Variants in DNAJC5G observed in about 807,000 individuals in gnomAD.
DNAJC5G encodes the protein DnaJ heat shock protein family (Hsp40) member C5 gamma.
DNAJC5G carries 13 observed loss-of-function variants against 19.1 expected under a neutral mutation model. The ratio of observed to expected loss-of-function variants is 0.68; its 90% CI spans 0.44 to 1.08. The LOEUF is 1.08. DNAJC5G is among the 50% of genes least tolerant of loss of function. The pLI, the probability that DNAJC5G is intolerant of heterozygous loss-of-function variation, is 0.00. For synonymous variants in DNAJC5G, 81 were observed against 84.4 expected, an observed-to-expected ratio of 0.96 and a Z score of 0.22; for missense variants, 245 against 230.4, an observed-to-expected ratio of 1.06 and a Z score of -0.41.
rs771457236 is a variant in DNAJC5G, at chr2:27,277,771, C to T, written c.131C>T (p.Pro44Leu). Residue 44 changes from proline to leucine, a missense_variant, in exon 4 of 7, where the codon CCC (proline) becomes CTC (leucine). Coordinates refer to ENST00000296097, the MANE Select transcript of DNAJC5G (RefSeq NM_173650.3). ...TTCCCCAGCCATTCCGCATTGCTTC[C>T]CCACCCTCCTTTTGAGTATCACCTG... ...KKSYSHSALL[P>L]HPPFEYHLGR... 2 of 1,613,884 alleles carry T rather than the reference C, an allele frequency of 1.2e-6. No homozygotes were observed. Among genetic ancestry groups the T allele is most frequent in the African/African-American group, 2.7e-5 (2 of 74,912 alleles).
Position 27,280,484 on chromosome 2 carries a change from G to A in DNAJC5G, c.*74G>A, listed in dbSNP as rs1678323022. 2.5e-6 allele frequency: 1 copy of A among 402,650 alleles called. No homozygotes were observed. Among genetic ancestry groups the A allele is most frequent in the African/African-American group, 2.0e-5 (1 of 49,928 alleles). The allele number at this position is 402,650 out of a possible 1,614,324, so 24.9% of individuals were successfully genotyped here. On this transcript the variant is annotated 3_prime_UTR_variant, in exon 7 of 7. Transcript: ENST00000296097. ...CCCAGTCCCCTGGACACATTGAAGA[G>A]AGGAGCAAGTAGCCCTGTCCTGACA... is the stretch of plus-strand genomic sequence containing the variant.
chr2:27,278,669 G>A (rs1678227123), intron 5 of DNAJC5G, among the ~76,000 whole-genome samples: 1 of 110,518 alleles, frequency 9.0e-6, no homozygotes, highest in Non-Finnish European at 1.7e-5. Flanking sequence ...GGGAGACAGA[G>A]CAAGACTCCA....
In DNAJC5G at chr2:27,278,001, A is replaced by G; in HGVS notation, c.361A>G (p.Ser121Gly). Residue 121 changes from serine (S) to glycine (G), a missense_variant, in exon 4 of 7, where the codon AGT (serine) becomes GGT (glycine). Transcript: ENST00000296097. ...EGVRYYFILN[S>G]CWFKTLVILC... ...CGTCAGATACTATTTTATTCTGAAT[A>G]GTTGTTGGTTCAAGGTACACAATTC... 8.7e-6 allele frequency: 14 copies of G among 1,614,136 alleles called. No individual in the cohort carries two copies. The highest frequency in any genetic ancestry group is 1.2e-5 in the Non-Finnish European group (14 of 1,179,988).
intron 6 of DNAJC5G, 72 bp from the exon 7 acceptor site, chr2:27,280,357 G>A (rs973524190): frequency 2.5e-6 from 2 of 815,856 alleles, no homozygotes; most frequent in African/African-American, 3.4e-5. Flanking sequence ...ATCCTTACAT[G>A]TAGGGGTTTG....
chr2:27,276,395 G>A lies in DNAJC5G; in HGVS notation c.-4+8G>A, dbSNP rs1678074954. 4.9e-6 allele frequency: 1 copy of A among 203,728 alleles called. No individual in the cohort carries two copies. Among genetic ancestry groups the A allele is most frequent in the African/African-American group, 2.3e-5 (1 of 42,706 alleles). The allele number at this position is 203,728 out of a possible 1,614,324, so 12.6% of individuals were successfully genotyped here. On this transcript the variant is annotated splice_region_variant and intron_variant, in intron 2 of 6. Transcript: ENST00000296097. Reference sequence around the variant, plus strand: ...CAGAGGTGTTTACTCCAGGTAATAGGAGCTCTAGACAAAATCAGGCTCTTT... The same window carrying A: ...CAGAGGTGTTTACTCCAGGTAATAGAAGCTCTAGACAAAATCAGGCTCTTT...
chr2:27,278,306 A>C lies in DNAJC5G; in HGVS notation c.494A>C (p.Asn165Thr), dbSNP rs748962857. 6.2e-7 allele frequency: 1 copy of C among 1,614,194 alleles called. No homozygotes were observed. Among genetic ancestry groups the C allele is most frequent in the Admixed American group, 1.7e-5 (1 of 60,016 alleles). Residue 165 changes from asparagine (N) to threonine (T), a missense_variant, in exon 5 of 7, where the codon AAT (asparagine) becomes ACT (threonine). Coordinates refer to ENST00000296097, the MANE Select transcript of DNAJC5G (RefSeq NM_173650.3). ...GATAGTGGGAGAAAATATCAGCAGA[A>C]TGTCCAGAGTCAGCCTCCAAGGTCA... is the stretch of plus-strand genomic sequence containing the variant. ...EQDSGRKYQQ[N>T]VQSQPPRSGA...
Position 27,280,900 on chromosome 2 carries a change from G to A in DNAJC5G, c.*490G>A, listed in dbSNP as rs1225601212. On this transcript the variant is annotated 3_prime_UTR_variant, in exon 7 of 7. Transcript: ENST00000296097. ...ATTAATTCTCCCTTGTTGCAACTCT[G>A]TGTACCAAGAACCCCTAGCATCAGC... is the stretch of plus-strand genomic sequence containing the variant. The A allele has an allele frequency of 2.6e-5, 4 of 152,288 alleles. No homozygotes were observed. Among genetic ancestry groups the A allele is most frequent in the Non-Finnish European group, 5.9e-5 (4 of 68,098 alleles). The allele number at this position is 152,288 out of a possible 1,614,324, so 9.4% of individuals were successfully genotyped here.
intron 5 of DNAJC5G, among the ~76,000 whole-genome samples, chr2:27,279,848 G>A (rs949189033): frequency 3.9e-5 from 6 of 151,946 alleles, no homozygotes; most frequent in Non-Finnish European, 8.8e-5. Flanking sequence ...ATTTGAGTCT[G>A]GGAGGTTGAG....
chr2:27,278,683 CAAAAAAAAAAAAAA>C (rs1180058010), intron 5 of DNAJC5G, among the ~76,000 whole-genome samples: 1 of 26,738 alleles, frequency 3.7e-5, no homozygotes, highest in African/African-American at 1.4e-4. Context: ...GACTCCATCT[CAAAAAAAAAAAAAA>C]AAAAAAAAAA....
intron 3 of DNAJC5G, among the ~76,000 whole-genome samples, chr2:27,277,487 C>T (rs193181823): frequency 1.3e-5 from 2 of 152,154 alleles, no homozygotes; most frequent in East Asian, 3.9e-4. Context: ...TGGTCTCAAA[C>T]TCCTGACCTC....
At position 27,277,934 on chromosome 2, in the gene DNAJC5G, CT is replaced by C; in HGVS notation, c.295del (p.Ser99HisfsTer21). 6.2e-7 allele frequency: 1 copy of C among 1,614,194 alleles called. No individual in the cohort carries two copies. The highest frequency in any genetic ancestry group is 8.5e-7 in the Non-Finnish European group (1 of 1,180,040). On this transcript the variant is annotated frameshift_variant, in exon 4 of 7. Transcript: ENST00000296097. LOFTEE classifies it high-confidence loss of function. The part of the protein sequence containing the change: ...KKRKIYDQHG[S>X]LGIYLYDHFG... ...AGCGGAAAATTTACGACCAGCATGG[CT>C]CATTGGGAATATATCTGTATGATCA...
Position 27,277,919 on chromosome 2 carries a change from T to G in DNAJC5G, c.279T>G (p.Ile93Met), listed in dbSNP as rs1678184728. Residue 93 changes from isoleucine to methionine, a missense_variant, in exon 4 of 7, where the codon ATT becomes ATG. Transcript: ENST00000296097. Reference protein sequence around the residue: ...AILSDSKKRKIYDQHGSLGIY... With the variant: ...AILSDSKKRKMYDQHGSLGIY... ...TGAGCGACTCTAAGAAGCGGAAAAT[T>G]TACGACCAGCATGGCTCATTGGGAA... 5 of 1,614,160 alleles carry G rather than the reference T, an allele frequency of 3.1e-6. No homozygotes were observed. In the East Asian group the frequency reaches 8.9e-5, roughly 29 times the overall value.
In DNAJC5G at chr2:27,280,221, G is replaced by C; in HGVS notation, c.*6G>C. ...ATAGCGAAGATGATTTTTAAGAGAT[G>C]AAGAAGGATGAGGTATGTAAACCGA... On this transcript the variant is annotated 3_prime_UTR_variant, in exon 6 of 7. Coordinates refer to ENST00000296097, the MANE Select transcript of DNAJC5G (RefSeq NM_173650.3). The C allele has an allele frequency of 6.2e-7, 1 of 1,613,980 alleles. No homozygotes were observed. Among genetic ancestry groups the C allele is most frequent in the Non-Finnish European group, 8.5e-7 (1 of 1,179,932 alleles).
intron 2 of DNAJC5G, 80 bp from the exon 3 acceptor site, chr2:27,276,646 G>T: frequency 7.8e-7 from 1 of 1,288,646 alleles, no homozygotes; most frequent in South Asian, 1.3e-5. Context: ...AAGGTAGTGA[G>T]TTTCCTGTCA....
Position 27,277,906 on chromosome 2 carries a change from A to G in DNAJC5G, c.266A>G (p.Lys89Arg). The G allele has an allele frequency of 6.2e-7, 1 of 1,614,230 alleles. No homozygotes were observed. ...NAAHAILSDSKKRKIYDQHGS... is the reference protein window; with the variant it reads ...NAAHAILSDSRKRKIYDQHGS... ...GCTCATGCCATACTGAGCGACTCTA[A>G]GAAGCGGAAAATTTACGACCAGCAT... The change falls in exon 4 of 7, where the codon AAG (lysine) becomes AGG (arginine). Residue 89 changes from lysine (K) to arginine (R), a missense_variant. Coordinates refer to ENST00000296097, the MANE Select transcript of DNAJC5G (RefSeq NM_173650.3).
At chr2:27,278,913 G>A (rs1484569443) in intron 5 of DNAJC5G, among the ~76,000 whole-genome samples, 3 of 148,574 alleles carry the variant, frequency 2.0e-5, no homozygotes, top group Admixed American at 1.4e-4. Flanking sequence ...GCTGAGGCAG[G>A]AGAATTGCTT....
chr2:27,277,733 A>T (rs1281117720), intron 3 of DNAJC5G, 21 bp from the exon 4 acceptor site: 1 of 1,613,428 alleles, frequency 6.2e-7, no homozygotes, highest in Non-Finnish European at 8.5e-7. Context: ...CATGTCATTC[A>T]TCGTAAGTCT....
intron 5 of DNAJC5G, 139 bp from the exon 6 acceptor site, chr2:27,280,019 ATGAACTTT>A: frequency 1.5e-6 from 1 of 677,146 alleles, no homozygotes; most frequent in East Asian, 2.6e-5. Context: ...TCCCCCCCAA[ATGAACTTT>A]TATAAGCTGA....
chr2:27,278,772 C>T (rs1387900492), intron 5 of DNAJC5G, among the ~76,000 whole-genome samples: 10 of 148,010 alleles, frequency 6.8e-5, no homozygotes, highest in Non-Finnish European at 1.3e-4. Context: ...TTTGGGAGGC[C>T]GAGGCGGGCG....
Sources: gnomAD v4.1 joint callset for allele counts (sites outside exome capture counted in the v4.1 genomes callset) on GRCh38, gnomAD v4.1.1 for gene constraint, MANE v1.5 for transcripts, NCBI Gene and HGNC (gene_info 2026-07-23, HGNC 2026-07-21) for gene names.